FAM13C: variants seen among roughly 807,000 people sequenced by gnomAD.
The protein encoded by FAM13C is protein FAM13C.
A neutral mutation model predicts 73.2 loss-of-function variants in FAM13C; 37 were observed. The observed-to-expected ratio is 0.51, with a 90% CI of 0.39 to 0.67. The LOEUF is 0.67. Among genes scored for constraint, FAM13C ranks in the 30% least tolerant of loss-of-function variants. The pLI, the probability that FAM13C is intolerant of heterozygous loss-of-function variation, is 0.00. For synonymous variants in FAM13C, 246 were observed against 260.9 expected, an observed-to-expected ratio of 0.94 and a Z score of 0.55; for missense variants, 589 against 715.6, an observed-to-expected ratio of 0.82 and a Z score of 2.02.
chr10:59,260,687 C>T (rs900251256), intron 10 of FAM13C, among the ~76,000 whole-genome samples: 2 of 152,076 alleles, frequency 1.3e-5, no homozygotes, highest in Non-Finnish European at 2.9e-5. Flanking sequence ...TCCCCACTCC[C>T]AGGACAACAT....
intron 3 of FAM13C, among the ~76,000 whole-genome samples, chr10:59,334,932 T>C (rs1373511461): frequency 6.6e-6 from 1 of 152,160 alleles, no homozygotes; most frequent in Non-Finnish European, 1.5e-5. Context: ...TAATGTTAGA[T>C]AAACAGTAAT....
At chr10:59,304,136 A>G (rs1325951280) in intron 4 of FAM13C, among the ~76,000 whole-genome samples, 3 of 152,252 alleles carry the variant, frequency 2.0e-5, no homozygotes, top group East Asian at 1.9e-4. Context: ...CGACGGAGTG[A>G]GACTCAGTCT....
chr10:59,329,756 A>G (rs1851719810), intron 3 of FAM13C, among the ~76,000 whole-genome samples: 1 of 152,178 alleles, frequency 6.6e-6, no homozygotes, highest in African/African-American at 2.4e-5. Flanking sequence ...GCTGTCTATC[A>G]TATCATATAT....
At chr10:59,315,489 C>T (rs1471012450) in intron 4 of FAM13C, among the ~76,000 whole-genome samples, 1 of 152,008 alleles carries the variant, frequency 6.6e-6, no homozygotes, top group Non-Finnish European at 1.5e-5. Context: ...GGTATGTCCC[C>T]TAGGGGCCAT....
At chr10:59,349,115 C>T (rs760058911) in intron 3 of FAM13C, among the ~76,000 whole-genome samples, 4 of 152,296 alleles carry the variant, frequency 2.6e-5, no homozygotes, top group Admixed American at 6.5e-5. Context: ...TGTCACATTA[C>T]GTGCTATGCT....
chr10:59,362,894 T>A (rs11817205), upstream of FAM13C: 53,530 of 191,972 alleles, frequency 0.28, 8,064 homozygotes, highest in East Asian at 0.4. Context: ...ACATGTCTCC[T>A]ACCAATTTTA....
chr10:59,283,634 T>G (rs1845200226), intron 5 of FAM13C, 187 bp from the exon 6 acceptor site: 4 of 651,362 alleles, frequency 6.1e-6, no homozygotes, highest in Non-Finnish European at 1.1e-5. Flanking sequence ...CAACAGCTGC[T>G]TCAGGGAAAG....
chr10:59,346,135 C>G (rs889188792), intron 3 of FAM13C, among the ~76,000 whole-genome samples: 1 of 152,098 alleles, frequency 6.6e-6, no homozygotes, highest in Non-Finnish European at 1.5e-5. Context: ...ATCAGTAATA[C>G]ATCAAGAAAA....
chr10:59,323,921 C>T, intron 4 of FAM13C, 67 bp downstream of exon 4: 1 of 1,326,682 alleles, frequency 7.5e-7, no homozygotes, highest in Non-Finnish European at 1.1e-6. Flanking sequence ...GTGGGAGTGG[C>T]AAGCACACAG....
At chr10:59,264,188 G>A (rs751094395) in intron 8 of FAM13C, 22 bp from the exon 9 acceptor site, 10 of 1,575,918 alleles carry the variant, frequency 6.3e-6, no homozygotes, top group African/African-American at 2.7e-5. Flanking sequence ...AGGAAAAAAT[G>A]GGGGTGGAAG....
At chr10:59,307,496 TAGC>T (rs1848395982) in intron 4 of FAM13C, among the ~76,000 whole-genome samples, 1 of 152,220 alleles carries the variant, frequency 6.6e-6, no homozygotes. Flanking sequence ...CATATGAGAC[TAGC>T]ATTATTATAT....
chr10:59,246,498 A>AT lies in FAM13C; in HGVS notation c.*1115dup, dbSNP rs1840721319. 2.6e-6 allele frequency: 1 copy of AT among 389,454 alleles called. No individual in the cohort carries two copies. The highest frequency in any genetic ancestry group is 4.5e-6 in the Non-Finnish European group (1 of 220,202). 24.1% of individuals were successfully genotyped at this position (389,454 alleles called of 1,614,324 possible). A position where few individuals can be genotyped will look rare whatever the true frequency, so the allele number is the denominator to read the frequency against. On this transcript the variant is annotated 3_prime_UTR_variant, in exon 14 of 14. Transcript: ENST00000618804. Reference sequence around the variant, plus strand: ...TACTTAAACATTACAGAAAATAGAAATACAAACAAGGTTGGTACATGAGAG... The same window carrying AT: ...TACTTAAACATTACAGAAAATAGAAATTACAAACAAGGTTGGTACATGAGAG...
At chr10:59,273,421 T>C (rs946563899) in intron 6 of FAM13C, among the ~76,000 whole-genome samples, 1 of 152,108 alleles carries the variant, frequency 6.6e-6, no homozygotes, top group Admixed American at 6.6e-5. Flanking sequence ...AGGGTTAATG[T>C]GGAAAATAAG....
intron 5 of FAM13C, among the ~76,000 whole-genome samples, chr10:59,293,802 C>T (rs932460719): frequency 2.6e-5 from 4 of 152,198 alleles, no homozygotes; most frequent in African/African-American, 9.7e-5. Flanking sequence ...AGCTGTTTCA[C>T]CTCACCCCTG....
intron 5 of FAM13C, among the ~76,000 whole-genome samples, chr10:59,293,069 CT>C (rs148715812): frequency 1.8e-5 from 2 of 109,538 alleles, no homozygotes; most frequent in African/African-American, 7.9e-5. Flanking sequence ...TTTTCTTTTT[CT>C]TTTTTTTTTT....
At chr10:59,288,797 C>A (rs368837168) in intron 5 of FAM13C, among the ~76,000 whole-genome samples, 7 of 152,172 alleles carry the variant, frequency 4.6e-5, no homozygotes, top group Non-Finnish European at 7.3e-5. Context: ...GACCAGCTGT[C>A]CTCAGTAATA....
At chr10:59,253,690 T>C (rs902577119) in intron 11 of FAM13C, 1 of 151,472 alleles carries the variant, frequency 6.6e-6, no homozygotes, top group Admixed American at 6.6e-5. Flanking sequence ...TCAAAAAAAG[T>C]GGAAGTATAA....
At chr10:59,361,110 C>A in intron 1 of FAM13C, 1 of 1,289,034 alleles carries the variant, frequency 7.8e-7, no homozygotes, top group Non-Finnish European at 1.0e-6. Context: ...TTCTCTCAGG[C>A]CTTTAGAAAA....
intron 4 of FAM13C, among the ~76,000 whole-genome samples, chr10:59,322,660 C>CT (rs951558065): frequency 8.5e-5 from 13 of 152,056 alleles, no homozygotes; most frequent in East Asian, 1.9e-4. Context: ...GCATGAATGA[C>CT]TTTTTTTTGG....
Sources: gnomAD v4.1 joint callset for allele counts (sites outside exome capture counted in the v4.1 genomes callset) on GRCh38, gnomAD v4.1.1 for gene constraint, MANE v1.5 for transcripts, NCBI Gene and HGNC (gene_info 2026-07-23, HGNC 2026-07-21) for gene names.